CCDC91: variants seen among roughly 807,000 people sequenced by gnomAD.
CCDC91 encodes the protein coiled-coil domain-containing protein 91.
Under a neutral mutation model 63.2 loss-of-function variants are expected in CCDC91, and 48 were observed. The ratio of observed to expected loss-of-function variants is 0.76; its 90% confidence interval spans 0.60 to 0.97. The LOEUF (loss-of-function observed/expected upper bound fraction) is 0.97, where lower values mean the gene tolerates loss of function less well. CCDC91 is among the 50% of genes least tolerant of loss of function. The probability of loss-of-function intolerance (pLI) is 0.00; values close to 1 mark genes in which losing one functional copy is unlikely to be tolerated. For missense variants in CCDC91, 500 were observed against 494.6 expected (o/e 1.01, Z -0.10); for synonymous variants, 167 against 165.8 (o/e 1.01, Z -0.06).
chr12:28,299,778 A>G (rs995569662), intron 3 of CCDC91, among the ~76,000 whole-genome samples: 1 of 151,446 alleles, frequency 6.6e-6, no homozygotes, highest in Non-Finnish European at 1.5e-5. Flanking sequence ...GGCCTTTTGT[A>G]TATTTTCATT....
chr12:28,232,125 C>T (rs1944639748), intron 1 of CCDC91, among the ~76,000 whole-genome samples: 1 of 152,062 alleles, frequency 6.6e-6, no homozygotes, highest in Non-Finnish European at 1.5e-5. Flanking sequence ...TTTTATATAT[C>T]TACCTGTAGA....
chr12:28,196,501 A>G (rs567412835), intron 1 of CCDC91, among the ~76,000 whole-genome samples: 93 of 152,338 alleles, frequency 6.1e-4, no homozygotes, highest in African/African-American at 1.9e-3. Context: ...AACAAGTCAG[A>G]TCAGCACAGA....
intron 3 of CCDC91, among the ~76,000 whole-genome samples, chr12:28,274,915 A>C (rs1948088710): frequency 6.6e-6 from 1 of 151,940 alleles, no homozygotes; most frequent in African/African-American, 2.4e-5. Flanking sequence ...TCCCCTTTGA[A>C]ACCAACGAGA....
chr12:28,389,411 G>A (rs1592521242), intron 7 of CCDC91, among the ~76,000 whole-genome samples: 1 of 152,174 alleles, frequency 6.6e-6, no homozygotes, highest in African/African-American at 2.4e-5. Flanking sequence ...TAAGAGGCCA[G>A]TTACTCTTGC....
At chr12:28,218,880 A>G (rs1356078684) in intron 1 of CCDC91, among the ~76,000 whole-genome samples, 1 of 152,192 alleles carries the variant, frequency 6.6e-6, no homozygotes, top group East Asian at 1.9e-4. Flanking sequence ...TCCATATACT[A>G]GTTGATACAC....
At chr12:28,501,715 G>A (rs1937900047) in intron 12 of CCDC91, among the ~76,000 whole-genome samples, 1 of 151,928 alleles carries the variant, frequency 6.6e-6, no homozygotes, top group Non-Finnish European at 1.5e-5. Flanking sequence ...GACGATGCTG[G>A]CCTCATAAAA....
At chr12:28,385,912 A>C (rs1192781430) in intron 7 of CCDC91, among the ~76,000 whole-genome samples, 1 of 152,158 alleles carries the variant, frequency 6.6e-6, no homozygotes, top group Non-Finnish European at 1.5e-5. Context: ...ATACACATCT[A>C]ATTCTCACGT....
chr12:28,476,439 A>T (rs536062944), intron 11 of CCDC91, among the ~76,000 whole-genome samples: 2 of 152,158 alleles, frequency 1.3e-5, no homozygotes, highest in African/African-American at 4.8e-5. Flanking sequence ...AAGGCACAAC[A>T]TTCCAGAATC....
At chr12:28,402,602 ATT>A in intron 8 of CCDC91, among the ~76,000 whole-genome samples, 1 of 140,986 alleles carries the variant, frequency 7.1e-6, no homozygotes, top group African/African-American at 2.6e-5. Flanking sequence ...AAAAAAAAAA[ATT>A]ATTTCTTTCT....
chr12:28,271,056 G>GTAATAAA (rs1947736288), intron 3 of CCDC91, among the ~76,000 whole-genome samples: 11 of 152,218 alleles, frequency 7.2e-5, no homozygotes, highest in Admixed American at 2.0e-4. Context: ...CCAGCATAGC[G>GTAATAAA]TGTAATAAAG....
rs372213350 is a variant in CCDC91, at chr12:28,362,595, A to G, written c.654+80A>G. 3.6e-5 allele frequency: 28 copies of G among 783,468 alleles called. No individual in the cohort carries two copies. In the East Asian group the frequency reaches 6.4e-4, roughly 18 times the overall value. The allele number at this position is 783,468 out of a possible 1,614,324, so 48.5% of individuals were successfully genotyped here. On this transcript the variant is annotated intron_variant, in intron 7 of 12. Coordinates refer to ENST00000536442, the MANE Select transcript of CCDC91 (RefSeq NM_018318.5). ...TGTACACATGTAGGTATGTGCAAAC[A>G]TATACAAATTATATGTGTAGTCTTA... is the stretch of plus-strand genomic sequence containing the variant.
intron 8 of CCDC91, among the ~76,000 whole-genome samples, chr12:28,427,434 A>T (rs1948383547): frequency 6.6e-6 from 1 of 152,096 alleles, no homozygotes; most frequent in South Asian, 2.1e-4. Flanking sequence ...GGAGATACTG[A>T]TGGGATTCCT....
chr12:28,276,049 T>C (rs2136471920), intron 3 of CCDC91, among the ~76,000 whole-genome samples: 1 of 152,226 alleles, frequency 6.6e-6, no homozygotes, highest in Admixed American at 6.6e-5. Context: ...GCATTCCCTT[T>C]GAAAACTGGC....
intron 8 of CCDC91, among the ~76,000 whole-genome samples, chr12:28,442,001 G>A (rs1049803005): frequency 6.6e-6 from 1 of 151,968 alleles, no homozygotes; most frequent in African/African-American, 2.4e-5. Flanking sequence ...GTAGGTAGTG[G>A]GTGGCATTAC....
intron 1 of CCDC91, among the ~76,000 whole-genome samples, chr12:28,212,625 T>A (rs1256809180): frequency 6.6e-6 from 1 of 152,158 alleles, no homozygotes; most frequent in Non-Finnish European, 1.5e-5. Flanking sequence ...CCATATTTAG[T>A]TTTCTTTAAC....
Position 28,249,721 on chromosome 12 carries a change from T to A in CCDC91, c.-14-7481T>A, listed in dbSNP as rs551324737. Among the ~76,000 whole-genome samples, 11 of 151,152 alleles carry A rather than the reference T, an allele frequency of 7.3e-5. No homozygotes were observed. In the East Asian group the frequency reaches 2.1e-3, roughly 29 times the overall value. The stretch of plus-strand genomic sequence containing the variant: ...TGTTTTGCTCTCACTATGATTACTT[T>A]TTTTTTTTTTTGAGAGCAGTAAAGA... On this transcript the variant is annotated intron_variant, in intron 1 of 12. Transcript: ENST00000536442.
chr12:28,360,738 A>G (rs759633730), intron 6 of CCDC91, among the ~76,000 whole-genome samples: 2 of 152,144 alleles, frequency 1.3e-5, no homozygotes, highest in Non-Finnish European at 2.9e-5. Context: ...TATAAGGGGT[A>G]TGTTGTCCAA....
intron 6 of CCDC91, among the ~76,000 whole-genome samples, chr12:28,343,796 C>T (rs1283737864): frequency 6.6e-6 from 1 of 152,024 alleles, no homozygotes; most frequent in African/African-American, 2.4e-5. Flanking sequence ...ATCATCTGAC[C>T]TTTTGGTACA....
chr12:28,361,410 C>T (rs1943875446), intron 6 of CCDC91, among the ~76,000 whole-genome samples: 1 of 152,052 alleles, frequency 6.6e-6, no homozygotes, highest in Non-Finnish European at 1.5e-5. Context: ...CAGTTCCCAC[C>T]TATGAGTGAG....
Sources: allele counts gnomAD v4.1 joint callset (sites outside exome capture counted in the v4.1 genomes callset), GRCh38; gene constraint gnomAD v4.1.1; transcripts MANE v1.5; gene names NCBI Gene and HGNC (gene_info 2026-07-23, HGNC 2026-07-21).